The following FOXO1 variants were observed in gnomAD, a reference collection of about 807,000 sequenced individuals.
FOXO1 encodes forkhead box protein O1.
FOXO1 carries 6 observed loss-of-function variants against 44.1 expected under a neutral mutation model. The ratio of observed to expected loss-of-function variants is 0.14; its 90% CI spans 0.07 to 0.27. The LOEUF (loss-of-function observed/expected upper bound fraction) is 0.27, where lower values mean the gene tolerates loss of function less well. Ranked by LOEUF, FOXO1 falls within the 10% of genes least tolerant of loss-of-function variation. The probability of loss-of-function intolerance (pLI) is 1.00; values close to 1 mark genes in which losing one functional copy is unlikely to be tolerated. For missense variants in FOXO1, 737 were observed against 888.8 expected, an observed-to-expected ratio of 0.83 and a Z score of 2.17; for synonymous variants, 380 against 362.7, an observed-to-expected ratio of 1.05 and a Z score of -0.54.
At chr13:40,593,370 C>CA (rs1297229831) in intron 1 of FOXO1, among the ~76,000 whole-genome samples, 8 of 152,102 alleles carry the variant, frequency 5.3e-5, no homozygotes, top group Admixed American at 3.3e-4. Context: ...ATCTAAGACT[C>CA]AAAGGGGAGA....
chr13:40,620,273 G>A, intron 1 of FOXO1: 1 of 1,288,814 alleles, frequency 7.8e-7, no homozygotes, highest in Non-Finnish European at 1.1e-6. Context: ...GATCAGGACA[G>A]TATTGCAAAC....
chr13:40,609,277 T>C (rs1265192963), intron 1 of FOXO1, among the ~76,000 whole-genome samples: 3 of 152,142 alleles, frequency 2.0e-5, no homozygotes, highest in African/African-American at 4.8e-5. Flanking sequence ...CTGCTTCTTT[T>C]TTCTTCTGCT....
chr13:40,600,947 G>A (rs1290832317), intron 1 of FOXO1, among the ~76,000 whole-genome samples: 2 of 152,104 alleles, frequency 1.3e-5, no homozygotes, highest in South Asian at 2.1e-4. Context: ...ACAAATTAAA[G>A]CTAAAAAGTG....
At chr13:40,607,914 A>G (rs139434520) in intron 1 of FOXO1, among the ~76,000 whole-genome samples, 5 of 152,374 alleles carry the variant, frequency 3.3e-5, no homozygotes, top group African/African-American at 1.2e-4. Context: ...CAATTGGTAC[A>G]CTGCTGAAAC....
chr13:40,621,334 T>C (rs1428021175), intron 1 of FOXO1: 7 of 563,258 alleles, frequency 1.2e-5, no homozygotes, highest in East Asian at 1.2e-4. Context: ...GGGTCCAACA[T>C]AGCAAACAAT....
At chr13:40,627,550 T>G (rs1876824709) in intron 1 of FOXO1, among the ~76,000 whole-genome samples, 1 of 152,128 alleles carries the variant, frequency 6.6e-6, no homozygotes, top group Admixed American at 6.6e-5. Context: ...ATAACTTTCC[T>G]GGCCAAGCGT....
intron 1 of FOXO1, among the ~76,000 whole-genome samples, chr13:40,635,298 T>C (rs1877109358): frequency 6.6e-6 from 1 of 152,180 alleles, no homozygotes; most frequent in Non-Finnish European, 1.5e-5. Flanking sequence ...TGCTATATGC[T>C]ACTAAGTCTA....
chr13:40,639,694 G>A (rs933058069), intron 1 of FOXO1, among the ~76,000 whole-genome samples: 3 of 152,216 alleles, frequency 2.0e-5, no homozygotes, highest in Non-Finnish European at 2.9e-5. Flanking sequence ...CTAGATGCCA[G>A]TAGCAACACA....
chr13:40,568,159 G>A (rs1051250473), intron 1 of FOXO1, among the ~76,000 whole-genome samples: 2 of 152,100 alleles, frequency 1.3e-5, no homozygotes, highest in Non-Finnish European at 1.5e-5. Flanking sequence ...ACCACCCTGC[G>A]TGAAGGTGTG....
At chr13:40,614,603 T>C (rs1876349290) in intron 1 of FOXO1, among the ~76,000 whole-genome samples, 1 of 152,150 alleles carries the variant, frequency 6.6e-6, no homozygotes, top group African/African-American at 2.4e-5. Flanking sequence ...CAGTGGAAGA[T>C]CTCTTGGCCC....
At chr13:40,665,460 C>T in intron 1 of FOXO1, 123 bp downstream of exon 1, 1 of 870,570 alleles carries the variant, frequency 1.1e-6, no homozygotes, top group Non-Finnish European at 1.5e-6. Flanking sequence ...CGCTTCTCGC[C>T]CGCCCTCCTG....
chr13:40,618,900 T>G lies in FOXO1; in HGVS notation c.630+46683A>C, dbSNP rs1369596993. 4 of 525,610 alleles carry G rather than the reference T, an allele frequency of 7.6e-6. No individual in the cohort carries two copies. The East Asian group carries it at 2.2e-4, about 28-fold the overall frequency. The allele number at this position is 525,610 out of a possible 1,614,324, so 32.6% of individuals were successfully genotyped here. A position where few individuals can be genotyped will look rare whatever the true frequency, so the allele number is the denominator to read the frequency against. On this transcript the variant is annotated intron_variant, in intron 1 of 2. Coordinates refer to ENST00000379561, the MANE Select transcript of FOXO1 (RefSeq NM_002015.4). ...ATCGGCTTATGAGAGGACCATAATC[T>G]TTTAGGCTCCCCTAGAGAAATAACA...
chr13:40,614,053 G>A (rs1876328002), intron 1 of FOXO1, among the ~76,000 whole-genome samples: 1 of 152,192 alleles, frequency 6.6e-6, no homozygotes, highest in African/African-American at 2.4e-5. Flanking sequence ...GTATTTTCCA[G>A]AAGTTCTGGT....
chr13:40,586,625 T>C (rs1382125354), intron 1 of FOXO1, among the ~76,000 whole-genome samples: 1 of 152,154 alleles, frequency 6.6e-6, no homozygotes, highest in Non-Finnish European at 1.5e-5. Flanking sequence ...TTTTGACAAT[T>C]TTTGTAACCA....
rs1487741550 is a variant in FOXO1, at chr13:40,557,363, A to G, written c.*1686T>C. The G allele has an allele frequency of 6.6e-6, 1 of 152,254 alleles. No individual in the cohort carries two copies. Among genetic ancestry groups the G allele is most frequent in the Non-Finnish European group, 1.5e-5 (1 of 68,044 alleles). The allele number at this position is 152,254 out of a possible 1,614,324, so 9.4% of individuals were successfully genotyped here. On this transcript the variant is annotated 3_prime_UTR_variant, in exon 3 of 3. Transcript: ENST00000379561. ...ACAGGTAATTGGAAAGTAATAAAAC[A>G]TAATGATAGGAATTACAGTTTAGGT...
rs754164404 is a variant in FOXO1, at chr13:40,560,425, C to T, written c.1066G>A (p.Ala356Thr). 9 of 1,614,176 alleles carry T rather than the reference C, an allele frequency of 5.6e-6. No homozygotes were observed. The highest frequency in any genetic ancestry group is 4.5e-5 in the East Asian group (2 of 44,888). The part of the protein sequence containing the change: ...MVYPPSAAKM[A>T]STLPSLSEIS... ...TCAGACAGACTGGGTAAAGTAGAGGCCATCTTTGCGGCAGATGGCGGGTAC... is the reference window on the plus strand; with the variant it reads ...TCAGACAGACTGGGTAAAGTAGAGGTCATCTTTGCGGCAGATGGCGGGTAC... The change falls in exon 2 of 3, where the codon GCC becomes ACC. Residue 356 changes from alanine (A) to threonine (T), a missense_variant. Ala to Thr is a moderately conservative substitution (Grantham distance 58). Around this residue, in one of 7 missense-constraint regions of FOXO1, gnomAD observed 136 missense variants for 186.4 expected, o/e 0.73. Coordinates refer to ENST00000379561, the MANE Select transcript of FOXO1 (RefSeq NM_002015.4). The surrounding 1 kb of genome is among the most constrained non-coding windows in gnomAD (Gnocchi z 5.1).
intron 1 of FOXO1, among the ~76,000 whole-genome samples, chr13:40,573,049 C>T (rs999197860): frequency 6.6e-6 from 1 of 152,172 alleles, no homozygotes; most frequent in Non-Finnish European, 1.5e-5. Flanking sequence ...CTCAATGTGC[C>T]CACACTAAAG....
chr13:40,634,082 A>G (rs913771594), intron 1 of FOXO1, among the ~76,000 whole-genome samples: 1 of 152,214 alleles, frequency 6.6e-6, no homozygotes, highest in African/African-American at 2.4e-5. Context: ...CAATCTAGTA[A>G]CTGACAACAG....
At chr13:40,634,058 G>A (rs988377229) in intron 1 of FOXO1, among the ~76,000 whole-genome samples, 5 of 152,184 alleles carry the variant, frequency 3.3e-5, no homozygotes, top group Non-Finnish European at 7.3e-5. Flanking sequence ...CTATTCTCTG[G>A]ATGAGGCACT....
Sources: gnomAD v4.1 joint callset for allele counts (sites outside exome capture counted in the v4.1 genomes callset) on GRCh38, gnomAD v4.1.1 for gene constraint, gnomAD v4.1.1 regional missense constraint, Gnocchi (gnomAD v3.1) non-coding constraint, MANE v1.5 for transcripts, NCBI Gene and HGNC (gene_info 2026-07-23, HGNC 2026-07-21) for gene names.